The following ETV1 variants were observed in gnomAD, a reference collection of about 807,000 sequenced individuals.
ETV1 encodes the protein ETS variant transcription factor 1.
A neutral mutation model predicts 62.3 loss-of-function variants in ETV1; 27 were observed. The ratio of observed to expected loss-of-function variants is 0.43; its 90% CI spans 0.32 to 0.60. ETV1 has a LOEUF of 0.60. Among genes scored for constraint, ETV1 ranks in the 20% least tolerant of loss-of-function variants. ETV1 has a pLI of 0.06. For missense variants in ETV1, 605 were observed against 605.8 expected, an observed-to-expected ratio of 1.00 and a Z score of 0.01; for synonymous variants, 222 against 199.6, an observed-to-expected ratio of 1.11 and a Z score of -0.94.
chr7:13,921,965 G>A (rs1206243045), intron 9 of ETV1, among the ~76,000 whole-genome samples: 1 of 152,034 alleles, frequency 6.6e-6, no homozygotes, highest in East Asian at 1.9e-4. Flanking sequence ...AACTGAAAAT[G>A]AATATCTTCA....
intron 8 of ETV1, among the ~76,000 whole-genome samples, chr7:13,933,397 A>T (rs1433863658): frequency 1.3e-5 from 2 of 152,234 alleles, no homozygotes; most frequent in Non-Finnish European, 2.9e-5. Context: ...GAGTTAACAG[A>T]TAAGGAGAAC....
chr7:13,983,939 A>G (rs1782258575), intron 5 of ETV1, among the ~76,000 whole-genome samples: 1 of 151,886 alleles, frequency 6.6e-6, no homozygotes, highest in African/African-American at 2.4e-5. Context: ...AAATAAAAGA[A>G]ATTTTATAAT....
chr7:13,923,781 C>T (rs1443940489), intron 9 of ETV1, among the ~76,000 whole-genome samples: 6 of 152,018 alleles, frequency 3.9e-5, no homozygotes, highest in African/African-American at 1.4e-4. Flanking sequence ...ACCTGTTATC[C>T]CAGCATTCTG....
intron 8 of ETV1, among the ~76,000 whole-genome samples, chr7:13,932,524 G>A (rs1030509582): frequency 1.3e-5 from 2 of 152,148 alleles, no homozygotes; most frequent in Non-Finnish European, 2.9e-5. Context: ...TAGGTTTGGG[G>A]CAAGTCCCGC....
At chr7:13,960,710 C>A (rs1375497649) in intron 6 of ETV1, among the ~76,000 whole-genome samples, 1 of 152,134 alleles carries the variant, frequency 6.6e-6, no homozygotes, top group African/African-American at 2.4e-5. Flanking sequence ...GTGCCAAATT[C>A]TCTGATGCTA....
intron 9 of ETV1, 65 bp from the exon 10 acceptor site, chr7:13,911,372 C>T (rs930683294): frequency 6.5e-6 from 7 of 1,083,024 alleles, no homozygotes; most frequent in East Asian, 2.4e-5. Flanking sequence ...TATCAATGGA[C>T]AGGGTGCAGA....
intron 3 of ETV1, chr7:13,988,676 C>G (rs771588901): frequency 1.2e-6 from 2 of 1,606,542 alleles, no homozygotes; most frequent in East Asian, 4.5e-5. Flanking sequence ...GCATTTGTCT[C>G]AACTTCATTC....
intron 5 of ETV1, among the ~76,000 whole-genome samples, chr7:13,983,519 G>A (rs2128508954): frequency 6.6e-6 from 1 of 151,710 alleles, no homozygotes; most frequent in East Asian, 1.9e-4. Flanking sequence ...TCTGTCAGTA[G>A]CAGTCTAATT....
intron 13 of ETV1, among the ~76,000 whole-genome samples, chr7:13,897,764 C>T (rs28743019): frequency 6.6e-6 from 1 of 152,108 alleles, no homozygotes; most frequent in Non-Finnish European, 1.5e-5. Context: ...AGGAACAAAG[C>T]TGAGATAGTA....
intron 9 of ETV1, among the ~76,000 whole-genome samples, chr7:13,912,206 T>G (rs1305041812): frequency 1.3e-5 from 2 of 152,142 alleles, no homozygotes; most frequent in African/African-American, 4.8e-5. Flanking sequence ...TACATATAAG[T>G]GTGACTAAAT....
At chr7:13,923,932 G>T (rs1044781159) in intron 9 of ETV1, among the ~76,000 whole-genome samples, 1 of 152,112 alleles carries the variant, frequency 6.6e-6, no homozygotes, top group Non-Finnish European at 1.5e-5. Flanking sequence ...CTACTCAGGA[G>T]GCTGAGGCAG....
intron 9 of ETV1, among the ~76,000 whole-genome samples, chr7:13,912,239 G>T (rs967639955): frequency 9.9e-5 from 15 of 152,096 alleles, no homozygotes; most frequent in African/African-American, 3.6e-4. Context: ...TCCCAGAGTG[G>T]GAGAAAAGGA....
At chr7:13,948,898 C>T (rs725964) in intron 6 of ETV1, among the ~76,000 whole-genome samples, 1 of 151,904 alleles carries the variant, frequency 6.6e-6, no homozygotes. Flanking sequence ...TCTCTCAAAA[C>T]CAAAAATGTG....
intron 6 of ETV1, among the ~76,000 whole-genome samples, chr7:13,944,850 A>G (rs1208522765): frequency 6.6e-6 from 1 of 152,196 alleles, no homozygotes; most frequent in Non-Finnish European, 1.5e-5. Flanking sequence ...TAGTATCCTT[A>G]TAAAAGGGGG....
chr7:13,962,902 C>T (rs747009135), intron 6 of ETV1, among the ~76,000 whole-genome samples: 5 of 152,062 alleles, frequency 3.3e-5, no homozygotes, highest in Non-Finnish European at 5.9e-5. Context: ...TATGTATACA[C>T]GGATGTGGCA....
At chr7:13,954,621 C>T (rs1394187386) in intron 6 of ETV1, among the ~76,000 whole-genome samples, 1 of 152,130 alleles carries the variant, frequency 6.6e-6, no homozygotes, top group Non-Finnish European at 1.5e-5. Flanking sequence ...TACATCATTT[C>T]ACATACTTTT....
At chr7:13,977,917 T>C (rs1398160449) in intron 5 of ETV1, among the ~76,000 whole-genome samples, 1 of 152,144 alleles carries the variant, frequency 6.6e-6, no homozygotes, top group Non-Finnish European at 1.5e-5. Context: ...CACACACGTC[T>C]CTCTGCTTTT....
At position 13,891,506 on chromosome 7, in the gene ETV1, A is replaced by G. The variant is rs1781380526; in HGVS notation, c.*4360T>C. On this transcript the variant is annotated 3_prime_UTR_variant, in exon 14 of 14. Coordinates refer to ENST00000430479, the MANE Select transcript of ETV1 (RefSeq NM_004956.5). Reference sequence around the variant, plus strand: ...GTAACTGAAAATTCTGAAATCATTAATATTTCTATAAAGATATCCACTTAG... The same window carrying G: ...GTAACTGAAAATTCTGAAATCATTAGTATTTCTATAAAGATATCCACTTAG... 1 of 231,696 alleles carries G rather than the reference A, an allele frequency of 4.3e-6. No homozygotes were observed. The highest frequency in any genetic ancestry group is 8.5e-6 in the Non-Finnish European group (1 of 117,252). The allele number at this position is 231,696 out of a possible 1,614,324, so 14.4% of individuals were successfully genotyped here.
rs1343506918 is a variant in ETV1 at position 13,895,422 on chromosome 7, C to G, written c.*444G>C. The G allele has an allele frequency of 4.2e-6, 1 of 238,908 alleles. No homozygotes were observed. The highest frequency in any genetic ancestry group is 8.2e-6 in the Non-Finnish European group (1 of 121,352). The allele number at this position is 238,908 out of a possible 1,614,324, so 14.8% of individuals were successfully genotyped here. On this transcript the variant is annotated 3_prime_UTR_variant, in exon 14 of 14. Coordinates refer to ENST00000430479, the MANE Select transcript of ETV1 (RefSeq NM_004956.5). Reference sequence around the variant, plus strand: ...TACACCTGCAGAGACTCATAAATGACAGGGGAAAATGCCCAAGGCAAATAG... The same window carrying G: ...TACACCTGCAGAGACTCATAAATGAGAGGGGAAAATGCCCAAGGCAAATAG...
Sources: gnomAD v4.1 joint callset for allele counts (sites outside exome capture counted in the v4.1 genomes callset) on GRCh38, gnomAD v4.1.1 for gene constraint, MANE v1.5 for transcripts, NCBI Gene and HGNC (gene_info 2026-07-23, HGNC 2026-07-21) for gene names.